The following PCDHGB3 variants were observed in gnomAD, a reference collection of about 807,000 sequenced individuals.
PCDHGB3 encodes protocadherin gamma-B3.
In PCDHGB3, 40 loss-of-function variants were observed where a neutral mutation model predicts 59.2. That is an observed-to-expected ratio of 0.68 (90% confidence interval 0.52 to 0.88). The LOEUF is 0.88. PCDHGB3 is among the 40% of genes least tolerant of loss of function. The pLI is 0.00. For missense variants in PCDHGB3, 1,309 were observed against 1,187.9 expected (o/e 1.10, Z -1.50); for synonymous variants, 581 against 503.6 (o/e 1.15, Z -2.06).
At chr5:141,415,438 C>A in intron 1 of PCDHGB3, 1 of 1,614,218 alleles carries the variant, frequency 6.2e-7, no homozygotes, top group South Asian at 1.1e-5. Flanking sequence ...GGCTTTCCTG[C>A]AGACCTATTC....
At position 141,511,239 on chromosome 5, in the gene PCDHGB3, C is replaced by A; in HGVS notation, c.*66C>A. On this transcript the variant is annotated 3_prime_UTR_variant, in exon 4 of 4. Coordinates refer to ENST00000576222, the MANE Select transcript of PCDHGB3 (RefSeq NM_018924.5). ...AACCAGCCCAGCTTCTCCTTACCTG[C>A]ACCCAGGCCTCAGAGTTTCAGGGCT... 1 of 1,587,938 alleles carries A rather than the reference C, an allele frequency of 6.3e-7. No homozygotes were observed. Among genetic ancestry groups the A allele is most frequent in the Admixed American group, 1.8e-5 (1 of 55,480 alleles).
intron 1 of PCDHGB3, chr5:141,413,423 C>A (rs770419729): frequency 6.2e-7 from 1 of 1,614,078 alleles, no homozygotes; most frequent in Non-Finnish European, 8.5e-7. Flanking sequence ...TCTCTGAACC[C>A]GCGCAGCGGC....
chr5:141,395,748 GA>G (rs1300341557), intron 1 of PCDHGB3: 2 of 152,878 alleles, frequency 1.3e-5, no homozygotes, highest in African/African-American at 4.8e-5. Flanking sequence ...CCTCTTTTCT[GA>G]GCCCTGTTTC....
intron 1 of PCDHGB3, chr5:141,393,048 C>T (rs745354934): frequency 1.2e-6 from 2 of 1,613,672 alleles, no homozygotes; most frequent in African/African-American, 1.3e-5. Context: ...TGCTCTGAAC[C>T]CGCGCAGCGG....
intron 1 of PCDHGB3, chr5:141,414,528 C>T: frequency 6.2e-7 from 1 of 1,613,970 alleles, no homozygotes; most frequent in Non-Finnish European, 8.5e-7. Flanking sequence ...ATATCAATGA[C>T]AACCCACCTA....
chr5:141,494,985 C>A, intron 2 of PCDHGB3, 120 bp downstream of exon 2: 1 of 1,559,680 alleles, frequency 6.4e-7, no homozygotes. Context: ...AGTTTGAGAT[C>A]CCAGGGAGGT....
At chr5:141,509,354 A>G (rs1229726913) in intron 3 of PCDHGB3, among the ~76,000 whole-genome samples, 2 of 152,144 alleles carry the variant, frequency 1.3e-5, no homozygotes, top group Non-Finnish European at 2.9e-5. Context: ...TGGCCTGGGC[A>G]TCCCTGAGGT....
In PCDHGB3 at chr5:141,393,089, G is replaced by A. The variant is rs1168367249; in HGVS notation, c.2415+20280G>A. 4 of 1,613,660 alleles carry A rather than the reference G, an allele frequency of 2.5e-6. No homozygotes were observed. In the East Asian group the frequency reaches 6.7e-5, roughly 27 times the overall value. ...TGATCACCGCGGGCAGGATAGATCGGGAGGAGCTCTGCGCTCAGAGCCCGC... is the reference window on the plus strand; with the variant it reads ...TGATCACCGCGGGCAGGATAGATCGAGAGGAGCTCTGCGCTCAGAGCCCGC... On this transcript the variant is annotated intron_variant, in intron 1 of 3. Transcript: ENST00000576222.
chr5:141,423,880 G>C, intron 1 of PCDHGB3: 1 of 1,282,292 alleles, frequency 7.8e-7, no homozygotes, highest in Non-Finnish European at 9.9e-7. Context: ...TTTCAATCTT[G>C]GCATATTTTC....
At position 141,427,736 on chromosome 5, in the gene PCDHGB3, A is replaced by G. The variant is rs781594851; in HGVS notation, c.2415+54927A>G. 3.3e-6 allele frequency: 4 copies of G among 1,214,562 alleles called. No individual in the cohort carries two copies. In the South Asian group the frequency reaches 4.9e-5, roughly 15 times the overall value. The allele number at this position is 1,214,562 out of a possible 1,614,324, so 75.2% of individuals were successfully genotyped here. ...ACCTGGACCTAGGGCTGAATGGCCA[A>G]GTCTCCTACTCCATCGTTACCACTG... On this transcript the variant is annotated intron_variant, in intron 1 of 3. Coordinates refer to ENST00000576222, the MANE Select transcript of PCDHGB3 (RefSeq NM_018924.5).
At chr5:141,399,658 T>C (rs766038311) in intron 1 of PCDHGB3, 2 of 1,613,690 alleles carry the variant, frequency 1.2e-6, no homozygotes, top group South Asian at 2.2e-5. Flanking sequence ...TGGGGTGGTG[T>C]TCGCGCAGCG....
At position 141,511,963 on chromosome 5, in the gene PCDHGB3, AGT is replaced by A. The variant is rs1204123000; in HGVS notation, c.*796_*797del. On this transcript the variant is annotated 3_prime_UTR_variant, in exon 4 of 4. Transcript: ENST00000576222. ...ATGGGGTGGTAAGATAAGGAAGGGA[AGT>A]GTGTGGATGTGGATGGTGGGGGCAT... 1 of 153,636 alleles carries A rather than the reference AGT, an allele frequency of 6.5e-6. No individual in the cohort carries two copies. 9.5% of individuals were successfully genotyped at this position (153,636 alleles called of 1,614,324 possible).
At chr5:141,420,006 G>C (rs2096458103) in intron 1 of PCDHGB3, 2 of 1,613,934 alleles carry the variant, frequency 1.2e-6, no homozygotes, top group Admixed American at 3.3e-5. Flanking sequence ...CTACGCCTGC[G>C]ACAGTCTTTC....
chr5:141,414,995 G>C (rs1431326081), intron 1 of PCDHGB3: 14 of 1,613,640 alleles, frequency 8.7e-6, no homozygotes, highest in Non-Finnish European at 1.2e-5. Context: ...CAGAACGCCT[G>C]GCTGTCCTAC....
chr5:141,391,083 G>A (rs974357992), intron 1 of PCDHGB3: 1 of 152,152 alleles, frequency 6.6e-6, no homozygotes, highest in East Asian at 1.9e-4. Context: ...ATGTGTAACT[G>A]CCTTATCTGC....
intron 1 of PCDHGB3, among the ~76,000 whole-genome samples, chr5:141,445,787 T>C (rs2098477657): frequency 1.3e-5 from 2 of 152,182 alleles, no homozygotes; most frequent in South Asian, 4.1e-4. Context: ...CTAGGGAGGC[T>C]AGAAACAGAA....
At chr5:141,386,383 A>C (rs980668572) in intron 1 of PCDHGB3, among the ~76,000 whole-genome samples, 5 of 152,206 alleles carry the variant, frequency 3.3e-5, no homozygotes, top group Admixed American at 2.6e-4. Context: ...GTATTAATTA[A>C]AAACACACTT....
chr5:141,478,327 A>G lies in PCDHGB3; in HGVS notation c.2416-16480A>G, dbSNP rs149317962. The G allele has an allele frequency of 9.9e-6, 16 of 1,613,974 alleles. No homozygotes were observed. The African/African-American group carries it at 2.0e-4, about 20-fold the overall frequency. The stretch of plus-strand genomic sequence containing the variant: ...CCCCGGTGAGCTCACTGTACCGAAC[A>G]CCAGGGCCCTCCTTGCACGCGGACG... On this transcript the variant is annotated intron_variant, in intron 1 of 3. Transcript: ENST00000576222.
chr5:141,497,003 A>C (rs928317358), intron 2 of PCDHGB3, among the ~76,000 whole-genome samples: 2 of 152,148 alleles, frequency 1.3e-5, no homozygotes, highest in African/African-American at 4.8e-5. Context: ...CTGGCAGCCA[A>C]CATGGTGAAA....
Sources: gnomAD v4.1 joint callset for allele counts (sites outside exome capture counted in the v4.1 genomes callset) on GRCh38, gnomAD v4.1.1 for gene constraint, MANE v1.5 for transcripts, NCBI Gene and HGNC (gene_info 2026-07-23, HGNC 2026-07-21) for gene names.